Variants in ICE2 observed in about 807,000 individuals in gnomAD.
The protein encoded by ICE2 is little elongation complex subunit 2.
A neutral mutation model predicts 105.4 loss-of-function variants in ICE2; 87 were observed. The ratio of observed to expected loss-of-function variants is 0.83; its 90% confidence interval spans 0.69 to 0.99. The LOEUF (loss-of-function observed/expected upper bound fraction) is 0.99, where lower values mean the gene tolerates loss of function less well. ICE2 is among the 50% of genes least tolerant of loss of function. The pLI is 0.00. For missense variants in ICE2, 1,323 were observed against 1,146.7 expected, an observed-to-expected ratio of 1.15 and a Z score of -2.22; for synonymous variants, 399 against 392.0, an observed-to-expected ratio of 1.02 and a Z score of -0.21.
intron 4 of ICE2, among the ~76,000 whole-genome samples, chr15:60,467,742 G>C (rs1474800976): frequency 6.6e-6 from 1 of 152,142 alleles, no homozygotes; most frequent in Non-Finnish European, 1.5e-5. Context: ...GTTCAGCATA[G>C]CATCATTTAT....
In ICE2 at chr15:60,455,360, T is replaced by G. The variant is rs758428097; in HGVS notation, c.749A>C (p.Glu250Ala). ...QLSKDDIATI[E>A]TSEQTAEAMH... is the part of the protein sequence containing the mutation. ...AGCTTCAGCTGTTTGTTCTGACGTT[T>G]CAATGGTAGCTATATCGTCCTTTGA... Residue 250 changes from glutamate to alanine, a missense_variant, in exon 7 of 16, where the codon GAA (glutamate) becomes GCA (alanine). Glu to Ala is a moderately radical substitution (Grantham distance 107). Coordinates refer to ENST00000261520, the MANE Select transcript of ICE2 (RefSeq NM_024611.6). 7.4e-6 allele frequency: 12 copies of G among 1,613,808 alleles called. No individual in the cohort carries two copies. In the South Asian group the frequency reaches 1.1e-4, roughly 15 times the overall value.
chr15:60,426,264 CAACAT>C (rs981754626), intron 15 of ICE2, among the ~76,000 whole-genome samples: 1 of 152,122 alleles, frequency 6.6e-6, no homozygotes, highest in Non-Finnish European at 1.5e-5. Flanking sequence ...ACAGCTGTTA[CAACAT>C]AACAGTGCAA....
chr15:60,472,881 A>G lies in ICE2; in HGVS notation c.146+3182T>C, dbSNP rs541482897. On this transcript the variant is annotated intron_variant, in intron 3 of 15. Transcript: ENST00000261520. ...ATGAAGATTAATACCTGAAATTTTT[A>G]GTGTGAAAAGAGAAAGGCTGAGAGA... 2.4e-4 allele frequency among the ~76,000 whole-genome samples: 36 copies of G among 152,292 alleles called. No individual in the cohort carries two copies. In the South Asian group the frequency reaches 5.6e-3, roughly 24 times the overall value.
In ICE2 at chr15:60,449,493, A is replaced by G. The variant is rs774918640; in HGVS notation, c.1474T>C (p.Cys492Arg). The G allele has an allele frequency of 1.2e-6, 2 of 1,614,160 alleles. No individual in the cohort carries two copies. Among genetic ancestry groups the G allele is most frequent in the Non-Finnish European group, 8.5e-7 (1 of 1,180,006 alleles). Residue 492 changes from cysteine (C) to arginine (R), a missense_variant, in exon 10 of 16, where the codon TGT (cysteine) becomes CGT (arginine). Physicochemically the swap from Cys to Arg is radical, Grantham distance 180 (BLOSUM62 -3). Transcript: ENST00000261520. ...KNKDDQGFES[C>R]EKVSNSDKPL... ...TTGTCAGAATTTGATACCTTTTCAC[A>G]TGATTCAAATCCCTGATCATCTTTA...
At chr15:60,462,312 G>C (rs2064301570) in intron 5 of ICE2, among the ~76,000 whole-genome samples, 1 of 152,090 alleles carries the variant, frequency 6.6e-6, no homozygotes, top group African/African-American at 2.4e-5. Flanking sequence ...TAAAATTTCA[G>C]TCAGGAGGAA....
rs2063583797 is a variant in ICE2, at chr15:60,436,239, T to C, written c.2426-12A>G. The stretch of plus-strand genomic sequence containing the variant: ...TGCATCGATATGCCCTAAAATAAAA[T>C]ATCAAACTTAGAAAGAAGAAGCAAT... On this transcript the variant is annotated splice_polypyrimidine_tract_variant and intron_variant, in intron 12 of 15. Coordinates refer to ENST00000261520, the MANE Select transcript of ICE2 (RefSeq NM_024611.6). The C allele has an allele frequency of 1.8e-6, 2 of 1,127,480 alleles. No homozygotes were observed. Among genetic ancestry groups the C allele is most frequent in the Admixed American group, 2.8e-5 (1 of 35,170 alleles). The allele number at this position is 1,127,480 out of a possible 1,614,324, so 69.8% of individuals were successfully genotyped here.
In ICE2 at chr15:60,429,802, ATAG is replaced by A. The variant is rs1430359424; in HGVS notation, c.2562-1118_2562-1116del. Among the ~76,000 whole-genome samples the A allele has an allele frequency of 4.6e-5, 7 of 152,178 alleles. No individual in the cohort carries two copies. The South Asian group carries it at 6.2e-4, about 13-fold the overall frequency. On this transcript the variant is annotated intron_variant, in intron 14 of 15. Transcript: ENST00000261520. ...CCATATAAAGAAATGAATTATTATG[ATAG>A]TAGGAATAAATAACATTTCAAAGAT...
Position 60,455,345 on chromosome 15 carries a change from G to A in ICE2, c.764C>T (p.Thr255Ile), listed in dbSNP as rs139001706. The A allele has an allele frequency of 8.8e-4, 1,417 of 1,612,952 alleles. 12 individuals are homozygous for A. In the African/African-American group the frequency reaches 0.015, roughly 17 times the overall value. ...DIATIETSEQ[T>I]AEAMHYDISK... ...ACTTACATAATGCATAGCTTCAGCT[G>A]TTTGTTCTGACGTTTCAATGGTAGC... The change falls in exon 7 of 16, where the codon ACA becomes ATA. Residue 255 changes from threonine (T) to isoleucine (I), a missense_variant. Physicochemically the swap from Thr to Ile is moderately conservative, Grantham distance 89. Transcript: ENST00000261520.
rs1233459444 is a variant in ICE2 at position 60,423,471 on chromosome 15, T to C, written c.*163A>G. The C allele has an allele frequency of 7.6e-6, 4 of 526,298 alleles. No homozygotes were observed. In the East Asian group the frequency reaches 1.4e-4, roughly 19 times the overall value. 32.6% of individuals were successfully genotyped at this position (526,298 alleles called of 1,614,324 possible). A position where few individuals can be genotyped will look rare whatever the true frequency, so the allele number is the denominator to read the frequency against. ...AGGGTGAAAAGCATACCATTCCATT[T>C]TAGTTGAAATATTCCTTCACATAGC... On this transcript the variant is annotated 3_prime_UTR_variant, in exon 16 of 16. Transcript: ENST00000261520.
chr15:60,440,588 A>G (rs981069503), intron 12 of ICE2: 1 of 152,200 alleles, frequency 6.6e-6, no homozygotes, highest in South Asian at 2.1e-4. Flanking sequence ...CTAAACTAGC[A>G]GCATCAGTAC....
intron 9 of ICE2, chr15:60,452,175 T>A (rs2063982201): frequency 1.0e-6 from 1 of 967,596 alleles, no homozygotes; most frequent in Non-Finnish European, 1.2e-6. Flanking sequence ...GAAGAAAACA[T>A]AAGTTAAAAA....
chr15:60,471,913 TA>T (rs1435230677), intron 3 of ICE2, among the ~76,000 whole-genome samples: 2 of 152,156 alleles, frequency 1.3e-5, no homozygotes, highest in Non-Finnish European at 2.9e-5. Flanking sequence ...ATTTCAAGTC[TA>T]CTAGTATCTT....
Position 60,442,407 on chromosome 15 carries a change from A to G in ICE2, c.2425+9T>C, listed in dbSNP as rs764179388. On this transcript the variant is annotated intron_variant, in intron 12 of 15. Transcript: ENST00000261520. ...TAAAAAGGAGAATAAAGACTTTTGT[A>G]TAACTTACCAACATAAAATGAGCTG... The G allele has an allele frequency of 7.0e-6, 11 of 1,576,950 alleles. No homozygotes were observed. Among genetic ancestry groups the G allele is most frequent in the South Asian group, 2.4e-5 (2 of 83,530 alleles).
intron 5 of ICE2, among the ~76,000 whole-genome samples, chr15:60,462,465 C>T (rs557062762): frequency 1.3e-5 from 2 of 152,046 alleles, no homozygotes; most frequent in Non-Finnish European, 2.9e-5. Context: ...GTTAATTAGT[C>T]CGGTTTGGCC....
chr15:60,467,938 A>G, intron 4 of ICE2, 123 bp downstream of exon 4: 7 of 877,238 alleles, frequency 8.0e-6, no homozygotes, highest in Non-Finnish European at 6.6e-6. Flanking sequence ...TGCTCTCTCA[A>G]TCTCCTTACG....
chr15:60,453,835 A>T, intron 8 of ICE2, 51 bp from the exon 9 acceptor site: 1 of 1,416,602 alleles, frequency 7.1e-7, no homozygotes, highest in African/African-American at 1.4e-5. Context: ...ATTGTGATAT[A>T]TTTTTTAAAA....
At chr15:60,424,856 GAT>G (rs1268315751) in intron 15 of ICE2, among the ~76,000 whole-genome samples, 4 of 152,202 alleles carry the variant, frequency 2.6e-5, no homozygotes, top group Non-Finnish European at 5.9e-5. Context: ...TCATGTTAAA[GAT>G]GTGATCTATA....
chr15:60,441,632 C>A (rs530749079), intron 12 of ICE2: 1 of 152,308 alleles, frequency 6.6e-6, no homozygotes, highest in African/African-American at 2.4e-5. Flanking sequence ...AAAGACTACA[C>A]AGAGGAGCAG....
intron 1 of ICE2, chr15:60,478,800 G>T (rs2064846187): frequency 5.4e-6 from 2 of 368,874 alleles, no homozygotes; most frequent in Non-Finnish European, 1.1e-5. Context: ...GAGGGAAAGG[G>T]GACGCAAAGA....
Sources: allele counts gnomAD v4.1 joint callset (sites outside exome capture counted in the v4.1 genomes callset), GRCh38; gene constraint gnomAD v4.1.1; transcripts MANE v1.5; gene names NCBI Gene and HGNC (gene_info 2026-07-23, HGNC 2026-07-21).